AP2A2: variants seen among roughly 807,000 people sequenced by gnomAD.
The protein encoded by AP2A2 is AP-2 complex subunit alpha-2.
A neutral mutation model predicts 104.2 loss-of-function variants in AP2A2; 32 were observed. The ratio of observed to expected loss-of-function variants is 0.31; its 90% confidence interval spans 0.23 to 0.41. AP2A2 has a LOEUF of 0.41. AP2A2 is among the 10% of genes least tolerant of loss of function. The pLI, the probability that AP2A2 is intolerant of heterozygous loss-of-function variation, is 1.00. For missense variants in AP2A2, 912 were observed against 1,261.0 expected (o/e 0.72, Z 4.19); for synonymous variants, 539 against 533.3 (o/e 1.01, Z -0.15).
At chr11:958,843 C>T (rs1854329231) in intron 1 of AP2A2, among the ~76,000 whole-genome samples, 1 of 152,158 alleles carries the variant, frequency 6.6e-6, no homozygotes, top group Non-Finnish European at 1.5e-5. Context: ...CAGAAACATT[C>T]AGTCCATACG....
At position 930,061 on chromosome 11, in the gene AP2A2, C is replaced by T. The variant is rs543872455; in HGVS notation, c.67+3973C>T. 3.5e-5 allele frequency among the ~76,000 whole-genome samples: 5 copies of T among 143,714 alleles called. No homozygotes were observed. The East Asian group carries it at 8.1e-4, about 23-fold the overall frequency. The allele number at this position is 143,714 out of a possible 152,430, so 94.3% of individuals were successfully genotyped here. A position where few individuals can be genotyped will look rare whatever the true frequency, so the allele number is the denominator to read the frequency against. The stretch of plus-strand genomic sequence containing the variant: ...GCTTGAACCCAGGAGGCGGAGCTTG[C>T]AGTGAGCTGAGATTGTGCCATTGCA... On this transcript the variant is annotated intron_variant, in intron 1 of 21. Coordinates refer to ENST00000448903, the MANE Select transcript of AP2A2 (RefSeq NM_012305.4).
chr11:1,000,400 C>G (rs1207557870), intron 14 of AP2A2, 32 bp from the exon 15 acceptor site: 9 of 1,541,562 alleles, frequency 5.8e-6, no homozygotes, highest in East Asian at 4.9e-5. Flanking sequence ...CAGGGAGGCT[C>G]TCTGCTGATG....
intron 15 of AP2A2, among the ~76,000 whole-genome samples, chr11:1,002,278 C>T (rs548368295): frequency 2.6e-5 from 4 of 152,224 alleles, no homozygotes; most frequent in African/African-American, 9.6e-5. Context: ...AGCAGCGACC[C>T]GGGGGTGCGG....
In AP2A2 at chr11:926,042, G is replaced by T; in HGVS notation, c.21G>T (p.Gly7=). 7.2e-7 allele frequency: 1 copy of T among 1,391,210 alleles called. No homozygotes were observed. Among genetic ancestry groups the T allele is most frequent in the East Asian group, 3.1e-5 (1 of 32,562 alleles). 86.2% of individuals were successfully genotyped at this position (1,391,210 alleles called of 1,614,324 possible). A position where few individuals can be genotyped will look rare whatever the true frequency, so the allele number is the denominator to read the frequency against. ...GGAAGATGCCGGCCGTGTCCAAGGG[G>T]GACGGGATGCGGGGCCTGGCGGTCT... is the stretch of plus-strand genomic sequence containing the variant. The part of the protein sequence containing the change: MPAVSK[G]DGMRGLAVFI... The change falls in exon 1 of 22, where the codon GGG becomes GGT. Residue 7 remains glycine, a synonymous_variant. Transcript: ENST00000448903.
At chr11:969,294 G>T (rs1022038031) in intron 2 of AP2A2, among the ~76,000 whole-genome samples, 2 of 134,150 alleles carry the variant, frequency 1.5e-5, no homozygotes, top group African/African-American at 2.8e-5. Flanking sequence ...GCAATGGTGT[G>T]GTCTTGGCTC....
chr11:939,293 T>C (rs1477639549), intron 1 of AP2A2, among the ~76,000 whole-genome samples: 1 of 151,874 alleles, frequency 6.6e-6, no homozygotes, highest in African/African-American at 2.4e-5. Context: ...TATAAAACAT[T>C]GCCCCTGCCT....
chr11:944,302 GTGGT>G (rs760177474), intron 1 of AP2A2, among the ~76,000 whole-genome samples: 74 of 152,314 alleles, frequency 4.9e-4, no homozygotes, highest in Admixed American at 7.8e-4. Flanking sequence ...ACTCAGAGAT[GTGGT>G]GCTATTGCTG....
At position 995,425 on chromosome 11, in the gene AP2A2, C is replaced by CG. The variant is rs1215184919; in HGVS notation, c.1956+1184dup. 4 of 455,564 alleles carry CG rather than the reference C, an allele frequency of 8.8e-6. No homozygotes were observed. The East Asian group carries it at 2.8e-4, about 32-fold the overall frequency. The allele number at this position is 455,564 out of a possible 1,614,324, so 28.2% of individuals were successfully genotyped here. A position where few individuals can be genotyped will look rare whatever the true frequency, so the allele number is the denominator to read the frequency against. Reference sequence around the variant, plus strand: ...CTGCACTGTCAGGGAGGGCTCCTGTCGGGGTCAGGCGGGCTTTCTGTTTGT... The same window carrying CG: ...CTGCACTGTCAGGGAGGGCTCCTGTCGGGGGTCAGGCGGGCTTTCTGTTTGT... On this transcript the variant is annotated intron_variant, in intron 14 of 21. Transcript: ENST00000448903.
chr11:1,007,761 A>G, intron 17 of AP2A2: 1 of 578,684 alleles, frequency 1.7e-6, no homozygotes. Context: ...GAAAACAGAC[A>G]AGTAGTATAT....
At chr11:990,741 C>T (rs1352144177) in intron 10 of AP2A2, among the ~76,000 whole-genome samples, 5 of 147,204 alleles carry the variant, frequency 3.4e-5, no homozygotes, top group Non-Finnish European at 6.0e-5. Context: ...TGGTGCTCCC[C>T]CCACCCCATC....
chr11:968,095 G>A lies in AP2A2; in HGVS notation c.137-2074G>A, dbSNP rs1358942456. On this transcript the variant is annotated intron_variant, in intron 2 of 21. Transcript: ENST00000448903. This position sits in a 1 kb window ranked among gnomAD's most constrained non-coding sequence, Gnocchi z 4.2. ...GGGTGTGGAGCGAGCATTGCTGCTT[G>A]TTTCCTGTGGCCCTGGGTTAGGCCA... Among the ~76,000 whole-genome samples the A allele has an allele frequency of 6.6e-6, 1 of 152,026 alleles. No homozygotes were observed. Among genetic ancestry groups the A allele is most frequent in the Non-Finnish European group, 1.5e-5 (1 of 68,006 alleles).
chr11:955,760 T>C (rs1000057640), intron 1 of AP2A2, among the ~76,000 whole-genome samples: 1 of 152,172 alleles, frequency 6.6e-6, no homozygotes, highest in Non-Finnish European at 1.5e-5. Context: ...TATTAGCAAA[T>C]GTGTAGTAAA....
intron 7 of AP2A2, 54 bp downstream of exon 7, chr11:984,807 G>A (rs1487741691): frequency 7.2e-7 from 1 of 1,391,176 alleles, no homozygotes; most frequent in Non-Finnish European, 1.0e-6. Flanking sequence ...CTGATTCCCT[G>A]TCTCAGATTT....
chr11:993,439 G>T lies in AP2A2; in HGVS notation c.1550+58G>T. The T allele has an allele frequency of 1.5e-6, 2 of 1,342,922 alleles. No homozygotes were observed. The highest frequency in any genetic ancestry group is 1.4e-5 in the South Asian group (1 of 70,790). 83.2% of individuals were successfully genotyped at this position (1,342,922 alleles called of 1,614,324 possible). A position where few individuals can be genotyped will look rare whatever the true frequency, so the allele number is the denominator to read the frequency against. ...CGCTCCGGCGGGCCTCTCGGTGGTC[G>T]GTGGCAAGAGGCGAGGCACCAGCTG... On this transcript the variant is annotated intron_variant, in intron 12 of 21. Transcript: ENST00000448903. The surrounding 1 kb of genome is among the most constrained non-coding windows in gnomAD (Gnocchi z 8.2).
rs1191297755 is a variant in AP2A2 at position 993,695 on chromosome 11, G to A, written c.1551-59G>A. ...TCGCCGCCGTCCCCCCCCCGCGGGG[G>A]CGTGCTGCAGCCTGCGAGGGGACGA... On this transcript the variant is annotated intron_variant, in intron 12 of 21. Transcript: ENST00000448903. The surrounding 1 kb of genome is among the most constrained non-coding windows in gnomAD (Gnocchi z 8.2). The A allele has an allele frequency of 1.9e-5, 26 of 1,359,186 alleles. No individual in the cohort carries two copies. The highest frequency in any genetic ancestry group is 5.0e-5 in the East Asian group (2 of 39,614). 84.2% of individuals were successfully genotyped at this position (1,359,186 alleles called of 1,614,324 possible). A position where few individuals can be genotyped will look rare whatever the true frequency, so the allele number is the denominator to read the frequency against.
intron 9 of AP2A2, 55 bp downstream of exon 9, chr11:987,008 TC>T (rs1855484495): frequency 1.3e-6 from 2 of 1,529,436 alleles, no homozygotes; most frequent in Admixed American, 4.0e-5. Flanking sequence ...CCGTGGGTCT[TC>T]CTGTGAAGGC....
At chr11:959,901 C>G (rs969527407) in intron 2 of AP2A2, among the ~76,000 whole-genome samples, 1 of 152,182 alleles carries the variant, frequency 6.6e-6, no homozygotes, top group Non-Finnish European at 1.5e-5. Flanking sequence ...TCTCTGTGAG[C>G]CAGTGTGTGG....
chr11:961,858 G>A (rs573499794), intron 2 of AP2A2, among the ~76,000 whole-genome samples: 1 of 132,600 alleles, frequency 7.5e-6, no homozygotes, highest in East Asian at 2.3e-4. Context: ...GGGTCTGACA[G>A]AGTCGCCGCC....
rs117485145 is a variant in AP2A2 at position 1,003,107 on chromosome 11, G to A, written c.2124-615G>A. Among the ~76,000 whole-genome samples, 1,044 of 152,354 alleles carry A rather than the reference G, an allele frequency of 6.9e-3. 4 individuals are homozygous for A. Among genetic ancestry groups the A allele is most frequent in the Non-Finnish European group, 0.011 (765 of 68,034 alleles). ...GAAACACAAATGAAAGCTAACCAACGCTATTTTATTTTCCCCTAATTCTGT... is the reference window on the plus strand; with the variant it reads ...GAAACACAAATGAAAGCTAACCAACACTATTTTATTTTCCCCTAATTCTGT... On this transcript the variant is annotated intron_variant, in intron 15 of 21. Coordinates refer to ENST00000448903, the MANE Select transcript of AP2A2 (RefSeq NM_012305.4).
Sources: gnomAD v4.1 joint callset for allele counts (sites outside exome capture counted in the v4.1 genomes callset) on GRCh38, gnomAD v4.1.1 for gene constraint, Gnocchi (gnomAD v3.1) non-coding constraint, MANE v1.5 for transcripts, NCBI Gene and HGNC (gene_info 2026-07-23, HGNC 2026-07-21) for gene names.